Variants in PARD3 observed in about 807,000 individuals in gnomAD.
The protein encoded by PARD3 is par-3 family cell polarity regulator.
A neutral mutation model predicts 155.4 loss-of-function variants in PARD3; 75 were observed. The ratio of observed to expected loss-of-function variants is 0.48; its 90% CI spans 0.40 to 0.58. The LOEUF (loss-of-function observed/expected upper bound fraction) is 0.58, where lower values mean the gene tolerates loss of function less well. PARD3 is among the 20% of genes least tolerant of loss of function. PARD3 has a pLI of 0.00. For synonymous variants in PARD3, 576 were observed against 610.5 expected (o/e 0.94, Z 0.83); for missense variants, 1,642 against 1,721.7 (o/e 0.95, Z 0.82).
At chr10:34,614,933 C>G (rs2091150171) in intron 2 of PARD3, among the ~76,000 whole-genome samples, 1 of 152,208 alleles carries the variant, frequency 6.6e-6, no homozygotes, top group South Asian at 2.1e-4. Context: ...AATCCCAGCA[C>G]TTCGGGAGGC....
rs150606138 is a variant in PARD3, at chr10:34,693,303, T to C, written c.222+3015A>G. Among the ~76,000 whole-genome samples, 276 of 152,312 alleles carry C rather than the reference T, an allele frequency of 1.8e-3. 3 individuals carry two copies. The highest frequency in any genetic ancestry group is 2.1e-3 in the Non-Finnish European group (146 of 68,026). ...TGCCATAAAGACACATGCACACATA[T>C]GTTCATCACAACACTATTCACAATA... On this transcript the variant is annotated intron_variant, in intron 2 of 24. Transcript: ENST00000374788.
At chr10:34,333,897 C>A (rs570377076) in intron 18 of PARD3, among the ~76,000 whole-genome samples, 1 of 151,774 alleles carries the variant, frequency 6.6e-6, no homozygotes, top group African/African-American at 2.4e-5. Context: ...GATTTCTCAG[C>A]GAAGTTATTA....
At chr10:34,479,109 T>C (rs1414583332) in intron 3 of PARD3, among the ~76,000 whole-genome samples, 1 of 152,088 alleles carries the variant, frequency 6.6e-6, no homozygotes, top group Admixed American at 6.5e-5. Context: ...AATGAATCTC[T>C]CTGTATCATT....
At chr10:34,124,630 G>A (rs1947180018) in intron 23 of PARD3, among the ~76,000 whole-genome samples, 1 of 152,158 alleles carries the variant, frequency 6.6e-6, no homozygotes, top group Admixed American at 6.5e-5. Flanking sequence ...TGTGGGTCTT[G>A]AATGTTGAAA....
chr10:34,193,905 G>C (rs1025030118), intron 22 of PARD3, among the ~76,000 whole-genome samples: 4 of 152,098 alleles, frequency 2.6e-5, no homozygotes, highest in Admixed American at 1.3e-4. Flanking sequence ...CACAAACTAC[G>C]GGGTGCTCCT....
intron 2 of PARD3, among the ~76,000 whole-genome samples, chr10:34,659,035 T>C (rs1419129872): frequency 2.0e-5 from 3 of 152,246 alleles, no homozygotes; most frequent in Admixed American, 6.5e-5. Context: ...ACAAATTCCA[T>C]GTTCTTAGTG....
At chr10:34,773,574 C>T (rs1839171347) in intron 1 of PARD3, among the ~76,000 whole-genome samples, 2 of 152,332 alleles carry the variant, frequency 1.3e-5, no homozygotes, top group South Asian at 2.1e-4. Flanking sequence ...TACACAACAT[C>T]ACCAACAACG....
chr10:34,335,602 T>C (rs181113175), intron 18 of PARD3, among the ~76,000 whole-genome samples: 1 of 152,130 alleles, frequency 6.6e-6, no homozygotes, highest in East Asian at 1.9e-4. Flanking sequence ...ATTTTAGAAG[T>C]AACGAATTTA....
chr10:34,317,317 C>A lies in PARD3; in HGVS notation c.2855G>T (p.Ser952Ile), dbSNP rs759205364. 1.2e-6 allele frequency: 2 copies of A among 1,607,022 alleles called. No individual in the cohort carries two copies. The highest frequency in any genetic ancestry group is 1.7e-6 in the Non-Finnish European group (2 of 1,178,046). The change falls in exon 20 of 25, where the codon AGT becomes ATT. Residue 952 changes from serine (S) to isoleucine (I), a missense_variant. Ser to Ile is a moderately radical substitution (Grantham distance 142). Transcript: ENST00000374788. ...METLEEDTEE[S>I]SRSGRESVST... Reference sequence around the variant, plus strand: ...TACAGACTCTCTCCCTGATCTTGAACTTTCTTCTGTGTCTTCTTCCACTTG... The same window carrying A: ...TACAGACTCTCTCCCTGATCTTGAAATTTCTTCTGTGTCTTCTTCCACTTG...
chr10:34,798,870 G>T (rs978635998), intron 1 of PARD3, among the ~76,000 whole-genome samples: 2 of 152,176 alleles, frequency 1.3e-5, no homozygotes, highest in Admixed American at 1.3e-4. Context: ...ACTCCAAAAG[G>T]TCTGGAGGTT....
chr10:34,299,733 T>C (rs1187628326), intron 20 of PARD3, among the ~76,000 whole-genome samples: 1 of 152,156 alleles, frequency 6.6e-6, no homozygotes, highest in Non-Finnish European at 1.5e-5. Context: ...ACAGGAAAAA[T>C]GCTATATAAA....
intron 22 of PARD3, among the ~76,000 whole-genome samples, chr10:34,213,077 A>C (rs929908429): frequency 6.6e-6 from 1 of 152,194 alleles, no homozygotes; most frequent in African/African-American, 2.4e-5. Context: ...ACTATCACAG[A>C]ATACCTAAGA....
At chr10:34,667,986 T>G (rs1001920621) in intron 2 of PARD3, among the ~76,000 whole-genome samples, 1 of 152,156 alleles carries the variant, frequency 6.6e-6, no homozygotes, top group Non-Finnish European at 1.5e-5. Context: ...ACACTAATGG[T>G]GCATGTCTCC....
chr10:34,421,194 C>T (rs1846151986), intron 5 of PARD3, among the ~76,000 whole-genome samples: 2 of 151,966 alleles, frequency 1.3e-5, no homozygotes, highest in Admixed American at 6.6e-5. Context: ...AAATGAAATG[C>T]AAAGTATAAT....
intron 1 of PARD3, among the ~76,000 whole-genome samples, chr10:34,792,018 G>C (rs761532711): frequency 6.6e-6 from 1 of 152,036 alleles, no homozygotes; most frequent in East Asian, 1.9e-4. Context: ...AGCCTCCCTC[G>C]GCCACCTCCC....
chr10:34,456,583 C>A (rs2077353494), intron 4 of PARD3, among the ~76,000 whole-genome samples: 2 of 152,154 alleles, frequency 1.3e-5, no homozygotes, highest in Admixed American at 1.3e-4. Context: ...CAGGCGTGAG[C>A]CACCGTGCCT....
At chr10:34,524,337 T>C (rs968195594) in intron 2 of PARD3, among the ~76,000 whole-genome samples, 1 of 152,196 alleles carries the variant, frequency 6.6e-6, no homozygotes, top group Non-Finnish European at 1.5e-5. Context: ...AAAGTATTTC[T>C]TGAACACTCA....
chr10:34,194,289 C>G (rs1313418860), intron 22 of PARD3, among the ~76,000 whole-genome samples: 1 of 152,160 alleles, frequency 6.6e-6, no homozygotes, highest in Non-Finnish European at 1.5e-5. Context: ...GTTGAAAAGG[C>G]AGACGTGGAA....
intron 22 of PARD3, among the ~76,000 whole-genome samples, chr10:34,144,302 C>T (rs1178111504): frequency 6.6e-6 from 1 of 151,966 alleles, no homozygotes; most frequent in Non-Finnish European, 1.5e-5. Context: ...ACTTCTGCTT[C>T]ATCACATCTT....
Sources: gnomAD v4.1 joint callset for allele counts (sites outside exome capture counted in the v4.1 genomes callset) on GRCh38, gnomAD v4.1.1 for gene constraint, MANE v1.5 for transcripts, NCBI Gene and HGNC (gene_info 2026-07-23, HGNC 2026-07-21) for gene names.